Variants in CTNND2 observed in about 807,000 individuals in gnomAD.
CTNND2 encodes catenin delta 2.
In CTNND2, 22 loss-of-function variants were observed where a neutral mutation model predicts 144.4. The ratio of observed to expected loss-of-function variants is 0.15; its 90% CI spans 0.11 to 0.22. CTNND2 has a LOEUF of 0.22. CTNND2 is among the 10% of genes least tolerant of loss of function. CTNND2 has a pLI of 1.00. For synonymous variants in CTNND2, 751 were observed against 695.6 expected (o/e 1.08, Z -1.25); for missense variants, 1,353 against 1,618.8 (o/e 0.84, Z 2.82).
rs367987219 is a variant in CTNND2 at position 11,495,716 on chromosome 5, C to A, written c.287+69228G>T. Reference sequence around the variant, plus strand: ...TGAACTTCTGCATTCCCACCACTCCCTCTCTCCTGCCTCTGGCAGAACAAG... The same window carrying A: ...TGAACTTCTGCATTCCCACCACTCCATCTCTCCTGCCTCTGGCAGAACAAG... On this transcript the variant is annotated intron_variant, in intron 3 of 21. Coordinates refer to ENST00000304623, the MANE Select transcript of CTNND2 (RefSeq NM_001332.4). Among the ~76,000 whole-genome samples the A allele has an allele frequency of 1.2e-4, 19 of 152,324 alleles. No homozygotes were observed. The East Asian group carries it at 2.5e-3, about 20-fold the overall frequency.
chr5:11,766,730 T>C (rs887908423), intron 1 of CTNND2, among the ~76,000 whole-genome samples: 9 of 152,290 alleles, frequency 5.9e-5, no homozygotes, highest in Middle Eastern at 6.8e-3. Flanking sequence ...ATCGAAGTCA[T>C]GGAGGGAAGG....
intron 6 of CTNND2, among the ~76,000 whole-genome samples, chr5:11,394,523 C>A (rs1759900288): frequency 6.6e-6 from 1 of 152,182 alleles, no homozygotes; most frequent in Admixed American, 6.5e-5. Context: ...GTTCAGGTCA[C>A]TTTCTAGAAT....
chr5:11,510,680 C>T (rs990378543), intron 3 of CTNND2, among the ~76,000 whole-genome samples: 1 of 152,118 alleles, frequency 6.6e-6, no homozygotes, highest in Non-Finnish European at 1.5e-5. Context: ...CCTATAATCC[C>T]AGCACTTTGG....
At chr5:11,576,344 A>T (rs913471616) in intron 2 of CTNND2, among the ~76,000 whole-genome samples, 4 of 151,462 alleles carry the variant, frequency 2.6e-5, no homozygotes, top group Non-Finnish European at 5.9e-5. Flanking sequence ...ATAAAAATTA[A>T]TTTTTCTTAA....
chr5:11,456,496 G>GT (rs1233065694), intron 3 of CTNND2, among the ~76,000 whole-genome samples: 4 of 152,090 alleles, frequency 2.6e-5, no homozygotes, highest in Non-Finnish European at 5.9e-5. Context: ...ACTACGTCAC[G>GT]TGAGTTGAGG....
intron 3 of CTNND2, among the ~76,000 whole-genome samples, chr5:11,494,743 A>G (rs1769774783): frequency 6.6e-6 from 1 of 152,210 alleles, no homozygotes; most frequent in Non-Finnish European, 1.5e-5. Flanking sequence ...ATGGCAGTAG[A>G]AAGATCCACT....
intron 15 of CTNND2, among the ~76,000 whole-genome samples, chr5:11,083,283 G>T (rs1399127782): frequency 6.6e-6 from 1 of 152,206 alleles, no homozygotes; most frequent in Non-Finnish European, 1.5e-5. Flanking sequence ...ATTTGGAGAT[G>T]GGGCACACAG....
At chr5:11,705,122 G>A (rs1290436910) in intron 2 of CTNND2, among the ~76,000 whole-genome samples, 1 of 152,142 alleles carries the variant, frequency 6.6e-6, no homozygotes, top group Non-Finnish European at 1.5e-5. Context: ...ATCTGTCAAT[G>A]GTGCAGGCAT....
At chr5:11,846,851 A>C (rs1352767911) in intron 1 of CTNND2, among the ~76,000 whole-genome samples, 5 of 151,952 alleles carry the variant, frequency 3.3e-5, no homozygotes, top group African/African-American at 4.8e-5. Context: ...AAAAATCAAC[A>C]TCACTAATCA....
intron 21 of CTNND2, among the ~76,000 whole-genome samples, chr5:10,978,250 A>G (rs1022482369): frequency 1.3e-5 from 2 of 152,118 alleles, no homozygotes; most frequent in African/African-American, 4.8e-5. Flanking sequence ...TTACACCTCT[A>G]TGGCCAGAGA....
chr5:11,612,562 A>G (rs1327229124), intron 2 of CTNND2, among the ~76,000 whole-genome samples: 3 of 152,196 alleles, frequency 2.0e-5, no homozygotes, highest in African/African-American at 7.2e-5. Context: ...AACAGCATTA[A>G]AAAGGTATAT....
chr5:11,548,530 A>G (rs1290500231), intron 3 of CTNND2, among the ~76,000 whole-genome samples: 1 of 152,236 alleles, frequency 6.6e-6, no homozygotes, highest in Non-Finnish European at 1.5e-5. Context: ...GAGCCTTATT[A>G]ATCAATGACA....
intron 1 of CTNND2, among the ~76,000 whole-genome samples, chr5:11,811,458 G>T (rs1792328628): frequency 1.3e-5 from 2 of 152,112 alleles, no homozygotes; most frequent in South Asian, 4.1e-4. Context: ...GAAATAAGGT[G>T]TATGAACATA....
chr5:11,627,490 A>G (rs77170757), intron 2 of CTNND2, among the ~76,000 whole-genome samples: 3,651 of 152,290 alleles, frequency 0.024, 81 homozygotes, highest in East Asian at 0.1. Context: ...GCAGGCATCA[A>G]TAGATATTTG....
chr5:11,817,990 T>G (rs868343481), intron 1 of CTNND2, among the ~76,000 whole-genome samples: 1 of 58,706 alleles, frequency 1.7e-5, no homozygotes, highest in African/African-American at 3.8e-5. Flanking sequence ...TGTTTTTTTT[T>G]TTTTTTTTTT....
At chr5:11,215,300 AC>A (rs371063658) in intron 10 of CTNND2, among the ~76,000 whole-genome samples, 30 of 152,186 alleles carry the variant, frequency 2.0e-4, no homozygotes, top group African/African-American at 7.0e-4. Context: ...AACATCATGC[AC>A]CTCTAAAAAT....
intron 9 of CTNND2, among the ~76,000 whole-genome samples, chr5:11,250,440 G>T: frequency 7.7e-6 from 1 of 130,102 alleles, no homozygotes; most frequent in African/African-American, 2.9e-5. Flanking sequence ...GAAAGTTTGC[G>T]GTGAATTTAA....
At chr5:11,548,958 T>C (rs1377954600) in intron 3 of CTNND2, among the ~76,000 whole-genome samples, 1 of 152,216 alleles carries the variant, frequency 6.6e-6, no homozygotes, top group Non-Finnish European at 1.5e-5. Context: ...TTTAAAATGG[T>C]CCAGTTGAAG....
chr5:11,643,831 G>A (rs1317109006), intron 2 of CTNND2, among the ~76,000 whole-genome samples: 1 of 151,872 alleles, frequency 6.6e-6, no homozygotes, highest in South Asian at 2.1e-4. Flanking sequence ...TTTATGTATT[G>A]TAACATTTGT....
Sources: gnomAD v4.1 joint callset for allele counts (sites outside exome capture counted in the v4.1 genomes callset) on GRCh38, gnomAD v4.1.1 for gene constraint, MANE v1.5 for transcripts, NCBI Gene and HGNC (gene_info 2026-07-23, HGNC 2026-07-21) for gene names.